The following TC2N variants were observed in gnomAD, a reference collection of about 807,000 sequenced individuals.
The protein encoded by TC2N is tandem C2 domains, nuclear.
TC2N carries 51 observed loss-of-function variants against 61.9 expected under a neutral mutation model. That is an observed-to-expected ratio of 0.82 (90% CI 0.66 to 1.04). TC2N has a LOEUF of 1.04. Among genes scored for constraint, TC2N ranks in the 50% least tolerant of loss-of-function variants. The pLI is 0.00. For synonymous variants in TC2N, 204 were observed against 192.6 expected, an observed-to-expected ratio of 1.06 and a Z score of -0.49; for missense variants, 556 against 566.7, an observed-to-expected ratio of 0.98 and a Z score of 0.19.
chr14:91,828,062 T>C (rs1011258659), intron 1 of TC2N, among the ~76,000 whole-genome samples: 2 of 152,224 alleles, frequency 1.3e-5, no homozygotes, highest in Non-Finnish European at 2.9e-5. Context: ...TCCATTTCAT[T>C]CTTTCTTGCA....
chr14:91,825,607 T>TA (rs1359872775), intron 1 of TC2N, among the ~76,000 whole-genome samples: 2 of 152,234 alleles, frequency 1.3e-5, no homozygotes, highest in Non-Finnish European at 2.9e-5. Flanking sequence ...CTTCAAAATA[T>TA]AACTACCTGA....
chr14:91,791,197 GGAGGGGAGAA>G, intron 9 of TC2N, among the ~76,000 whole-genome samples: 1 of 122,948 alleles, frequency 8.1e-6, no homozygotes, highest in African/African-American at 3.0e-5. Flanking sequence ...GGAGGGGAGG[GGAGGGGAGAA>G]GAGGGGAGGG....
chr14:91,828,211 G>A (rs1054495203), intron 1 of TC2N, among the ~76,000 whole-genome samples: 1 of 152,014 alleles, frequency 6.6e-6, no homozygotes, highest in Non-Finnish European at 1.5e-5. Flanking sequence ...TTTGTGAAAA[G>A]TATCAATAAT....
intron 3 of TC2N, among the ~76,000 whole-genome samples, chr14:91,809,917 G>A (rs1244889529): frequency 1.3e-5 from 2 of 152,196 alleles, no homozygotes; most frequent in African/African-American, 4.8e-5. Flanking sequence ...AAGAAAGAAA[G>A]GAAGGAAGGG....
Position 91,813,773 on chromosome 14 carries a change from A to T in TC2N, c.-4T>A. The T allele has an allele frequency of 6.2e-7, 1 of 1,604,214 alleles. No individual in the cohort carries two copies. On this transcript the variant is annotated 5_prime_UTR_variant, in exon 2 of 12. An upstream start codon of the reference 5' UTR is lost. Coordinates refer to ENST00000435962, the MANE Select transcript of TC2N (RefSeq NM_001128596.3). Reference sequence around the variant, plus strand: ...TCTTTATAAATTCTGTTGCCATTACATTCAATTTCCAATATCCAGCAAAAG... The same window carrying T: ...TCTTTATAAATTCTGTTGCCATTACTTTCAATTTCCAATATCCAGCAAAAG...
chr14:91,841,298 G>A (rs994134555), intron 1 of TC2N, among the ~76,000 whole-genome samples: 1 of 152,184 alleles, frequency 6.6e-6, no homozygotes, highest in African/African-American at 2.4e-5. Context: ...TGGACTGGAA[G>A]AAATGACTCA....
intron 1 of TC2N, among the ~76,000 whole-genome samples, chr14:91,859,053 T>C (rs74820854): frequency 0.02 from 3,094 of 152,186 alleles, 77 homozygotes; most frequent in South Asian, 0.084. Context: ...CACCTCGGGA[T>C]ACTGGGATAT....
intron 1 of TC2N, among the ~76,000 whole-genome samples, chr14:91,850,741 GC>G (rs2139917872): frequency 6.6e-6 from 1 of 152,318 alleles, no homozygotes; most frequent in Non-Finnish European, 1.5e-5. Context: ...GACCAGCCTG[GC>G]CAACACTGTG....
intron 1 of TC2N, among the ~76,000 whole-genome samples, chr14:91,848,120 C>T (rs1888304220): frequency 6.6e-6 from 1 of 152,298 alleles, no homozygotes; most frequent in African/African-American, 2.4e-5. Context: ...TATTTTTGAA[C>T]CAATACTGGC....
chr14:91,813,583 G>A (rs2139865201), intron 2 of TC2N, 120 bp downstream of exon 2: 3 of 650,120 alleles, frequency 4.6e-6, no homozygotes, highest in Non-Finnish European at 8.3e-6. Flanking sequence ...TTTACTTAGT[G>A]TGCCTTATGT....
chr14:91,853,629 A>T (rs2139920321), intron 1 of TC2N, among the ~76,000 whole-genome samples: 1 of 141,788 alleles, frequency 7.1e-6, no homozygotes, highest in East Asian at 2.1e-4. Flanking sequence ...CTCTGCTTGG[A>T]TTTTTTTTTT....
At chr14:91,850,336 A>G (rs1359398124) in intron 1 of TC2N, among the ~76,000 whole-genome samples, 1 of 152,188 alleles carries the variant, frequency 6.6e-6, no homozygotes, top group Non-Finnish European at 1.5e-5. Flanking sequence ...TACATACTGA[A>G]CAAATATTTG....
intron 3 of TC2N, among the ~76,000 whole-genome samples, chr14:91,811,094 T>C (rs1299661360): frequency 1.3e-5 from 2 of 152,132 alleles, no homozygotes; most frequent in Non-Finnish European, 2.9e-5. Flanking sequence ...AAATACTCAC[T>C]TGGGCAGCTC....
intron 3 of TC2N, chr14:91,812,109 C>A: frequency 8.9e-6 from 2 of 223,524 alleles, no homozygotes; most frequent in Non-Finnish European, 1.7e-5. Context: ...GCCAATTCTA[C>A]ATACAAATTA....
At chr14:91,793,914 A>G (rs1292044533) in intron 8 of TC2N, among the ~76,000 whole-genome samples, 1 of 152,212 alleles carries the variant, frequency 6.6e-6, no homozygotes, top group African/African-American at 2.4e-5. Context: ...AAGCCGAGAC[A>G]GACCAAAAGC....
intron 1 of TC2N, among the ~76,000 whole-genome samples, chr14:91,829,983 C>A (rs533994834): frequency 2.9e-4 from 44 of 152,174 alleles, no homozygotes; most frequent in Non-Finnish European, 5.6e-4. Flanking sequence ...TAGGAAAATG[C>A]AAATCAAAAC....
At chr14:91,783,813 A>G (rs1885236782) in intron 11 of TC2N, among the ~76,000 whole-genome samples, 1 of 152,132 alleles carries the variant, frequency 6.6e-6, no homozygotes, top group African/African-American at 2.4e-5. Flanking sequence ...AAGGAATAAA[A>G]AAACTTGAAT....
At chr14:91,843,898 T>A (rs1888212423) in intron 1 of TC2N, among the ~76,000 whole-genome samples, 1 of 152,096 alleles carries the variant, frequency 6.6e-6, no homozygotes, top group Admixed American at 6.5e-5. Flanking sequence ...TTTCAGACAT[T>A]CCCTCTTTCT....
intron 1 of TC2N, among the ~76,000 whole-genome samples, chr14:91,842,465 A>T (rs2139910526): frequency 6.6e-6 from 1 of 152,312 alleles, no homozygotes; most frequent in South Asian, 2.1e-4. Flanking sequence ...CGAGCTTAGA[A>T]ACTTGTTCCT....
Sources: gnomAD v4.1 joint callset for allele counts (sites outside exome capture counted in the v4.1 genomes callset) on GRCh38, gnomAD v4.1.1 for gene constraint, MANE v1.5 for transcripts, NCBI Gene and HGNC (gene_info 2026-07-23, HGNC 2026-07-21) for gene names.